LRBA: variants seen among roughly 807,000 people sequenced by gnomAD.
LRBA encodes the protein LPS responsive beige-like anchor protein, also known as lipopolysaccharide-responsive and beige-like anchor protein.
Under a neutral mutation model 330.0 loss-of-function variants are expected in LRBA, and 176 were observed. The ratio of observed to expected loss-of-function variants is 0.53; its 90% CI spans 0.47 to 0.60. The LOEUF is 0.60. Among genes scored for constraint, LRBA ranks in the 20% least tolerant of loss-of-function variants. The pLI is 0.00. For missense variants in LRBA, 3,259 were observed against 3,444.8 expected (o/e 0.95, Z 1.35); for synonymous variants, 1,230 against 1,193.0 (o/e 1.03, Z -0.64).
intron 17 of LRBA, among the ~76,000 whole-genome samples, chr4:150,891,699 C>A (rs959343680): frequency 2.0e-5 from 3 of 152,152 alleles, no homozygotes; most frequent in Non-Finnish European, 4.4e-5. Flanking sequence ...TAAAATAAAT[C>A]TCTCTCGTGA....
intron 2 of LRBA, among the ~76,000 whole-genome samples, chr4:150,990,643 G>A (rs1276264061): frequency 1.3e-5 from 2 of 152,188 alleles, no homozygotes; most frequent in Admixed American, 1.3e-4. Context: ...GGCTGAGGTT[G>A]GAGGATCACT....
In LRBA at chr4:150,559,996, G is replaced by A. The variant is rs981863140; in HGVS notation, c.6330+28052C>T. Among the ~76,000 whole-genome samples the A allele has an allele frequency of 6.4e-5, 8 of 124,650 alleles. No individual in the cohort carries two copies. The East Asian group carries it at 6.8e-4, about 11-fold the overall frequency. The allele number at this position is 124,650 out of a possible 152,430, so 81.8% of individuals were successfully genotyped here. A position where few individuals can be genotyped will look rare whatever the true frequency, so the allele number is the denominator to read the frequency against. On this transcript the variant is annotated intron_variant, in intron 40 of 56. Coordinates refer to ENST00000651943, the MANE Select transcript of LRBA (RefSeq NM_001364905.1). ...TATATAAAATAAGGGACATTATTTC[G>A]TCCATCGATGAAACTCAAGTATGGA... is the stretch of plus-strand genomic sequence containing the variant.
At chr4:150,462,063 A>G (rs1399375245) in intron 44 of LRBA, among the ~76,000 whole-genome samples, 1 of 151,828 alleles carries the variant, frequency 6.6e-6, no homozygotes, top group Non-Finnish European at 1.5e-5. Context: ...CTGATTATAA[A>G]TTCTTATAAA....
intron 17 of LRBA, among the ~76,000 whole-genome samples, chr4:150,877,741 T>C (rs1322588697): frequency 1.3e-5 from 2 of 152,242 alleles, no homozygotes; most frequent in Non-Finnish European, 2.9e-5. Flanking sequence ...TCTTCTCATC[T>C]GCACACAAAA....
At chr4:150,526,002 T>C (rs1581582387) in intron 40 of LRBA, among the ~76,000 whole-genome samples, 1 of 151,796 alleles carries the variant, frequency 6.6e-6, no homozygotes, top group East Asian at 1.9e-4. Context: ...TTCAGCAAAA[T>C]CCAGTTTACA....
chr4:150,270,730 A>T (rs1471947499), intron 56 of LRBA, among the ~76,000 whole-genome samples: 1 of 152,210 alleles, frequency 6.6e-6, no homozygotes, highest in Non-Finnish European at 1.5e-5. Context: ...GTTAAGAGGA[A>T]ATAAGGTGCC....
At chr4:150,505,084 T>G (rs1031522659) in intron 40 of LRBA, among the ~76,000 whole-genome samples, 3 of 152,140 alleles carry the variant, frequency 2.0e-5, no homozygotes, top group Non-Finnish European at 2.9e-5. Context: ...AGCAAGTCCT[T>G]AGTGACCTAC....
intron 2 of LRBA, among the ~76,000 whole-genome samples, chr4:150,997,830 A>T (rs1275653688): frequency 3.3e-5 from 5 of 151,670 alleles, no homozygotes; most frequent in Non-Finnish European, 7.4e-5. Flanking sequence ...GAGCCTCCCG[A>T]GTAGCTGGGA....
At chr4:150,528,673 G>T (rs1763743045) in intron 40 of LRBA, among the ~76,000 whole-genome samples, 1 of 152,022 alleles carries the variant, frequency 6.6e-6, no homozygotes, top group South Asian at 2.1e-4. Flanking sequence ...GTAGAGGATT[G>T]ATTTTAGGTA....
chr4:150,805,440 A>AAG (rs1560841835), intron 33 of LRBA, among the ~76,000 whole-genome samples: 37 of 87,552 alleles, frequency 4.2e-4, no homozygotes, highest in East Asian at 6.7e-4. Context: ...AAGGAAAGGA[A>AAG]GGAAAGGGAA....
intron 40 of LRBA, among the ~76,000 whole-genome samples, chr4:150,525,303 A>G (rs571857063): frequency 1.3e-5 from 2 of 151,962 alleles, no homozygotes; most frequent in African/African-American, 4.8e-5. Flanking sequence ...AAGAGAACAC[A>G]TTTTGATTTC....
At chr4:150,659,692 G>A (rs1301684787) in intron 37 of LRBA, among the ~76,000 whole-genome samples, 49 of 3,302 alleles carry the variant, frequency 0.015, 4 homozygotes, top group African/African-American at 0.018. Flanking sequence ...CAGCCCCCCC[G>A]CCCGGCCAGC....
chr4:150,375,111 G>A lies in LRBA; in HGVS notation c.7195-24952C>T, dbSNP rs546544520. Among the ~76,000 whole-genome samples, 120 of 152,214 alleles carry A rather than the reference G, an allele frequency of 7.9e-4. 2 individuals carry two copies. In the South Asian group the frequency reaches 0.017, roughly 21 times the overall value. Reference sequence around the variant, plus strand: ...GGGGGAATTAGTATTACTGAAGCTCGTTGAGTGCTAAAGCTATAGAAGGGA... The same window carrying A: ...GGGGGAATTAGTATTACTGAAGCTCATTGAGTGCTAAAGCTATAGAAGGGA... On this transcript the variant is annotated intron_variant, in intron 47 of 56. Coordinates refer to ENST00000651943, the MANE Select transcript of LRBA (RefSeq NM_001364905.1).
At chr4:150,785,627 T>C (rs898216527) in intron 34 of LRBA, among the ~76,000 whole-genome samples, 1 of 151,932 alleles carries the variant, frequency 6.6e-6, no homozygotes, top group African/African-American at 2.4e-5. Context: ...TCCTTAGTTA[T>C]AATTTTGCAA....
chr4:150,499,174 T>C (rs765292985), intron 40 of LRBA, among the ~76,000 whole-genome samples: 2 of 152,186 alleles, frequency 1.3e-5, no homozygotes, highest in Non-Finnish European at 2.9e-5. Context: ...AATATTCAAA[T>C]TGTTTTTTCT....
chr4:150,363,142 C>T (rs559854881), intron 47 of LRBA, among the ~76,000 whole-genome samples: 1 of 151,920 alleles, frequency 6.6e-6, no homozygotes, highest in Non-Finnish European at 1.5e-5. Flanking sequence ...AAAAACAAAG[C>T]AAAACAAAAC....
chr4:150,634,940 T>C (rs1280757186), intron 37 of LRBA, among the ~76,000 whole-genome samples: 3 of 152,210 alleles, frequency 2.0e-5, no homozygotes, highest in African/African-American at 7.2e-5. Context: ...AGAAAGAATG[T>C]GTAGGACAAT....
intron 40 of LRBA, among the ~76,000 whole-genome samples, chr4:150,520,640 A>G (rs1762828007): frequency 6.6e-6 from 1 of 152,166 alleles, no homozygotes; most frequent in South Asian, 2.1e-4. Flanking sequence ...TTGCAGCAAC[A>G]TGGATACAGC....
intron 37 of LRBA, among the ~76,000 whole-genome samples, chr4:150,641,273 C>T (rs1245947980): frequency 2.6e-5 from 4 of 151,988 alleles, no homozygotes; most frequent in Admixed American, 6.6e-5. Context: ...TTTTATATTC[C>T]CTAACAATTT....
Sources: allele counts gnomAD v4.1 joint callset (sites outside exome capture counted in the v4.1 genomes callset), GRCh38; gene constraint gnomAD v4.1.1; transcripts MANE v1.5; gene names NCBI Gene and HGNC (gene_info 2026-07-23, HGNC 2026-07-21).